The following KCNB2 variants were observed in gnomAD, a reference collection of about 807,000 sequenced individuals.
KCNB2 encodes delayed rectifier potassium channel protein.
A neutral mutation model predicts 61.5 loss-of-function variants in KCNB2; 15 were observed. The observed-to-expected ratio is 0.24, with a 90% CI of 0.16 to 0.38. The LOEUF (loss-of-function observed/expected upper bound fraction) is 0.38, where lower values mean the gene tolerates loss of function less well. Ranked by LOEUF, KCNB2 falls within the 10% of genes least tolerant of loss-of-function variation. The pLI is 1.00. For synonymous variants in KCNB2, 457 were observed against 446.0 expected (o/e 1.02, Z -0.31); for missense variants, 828 against 1,125.2 (o/e 0.74, Z 3.78).
intron 2 of KCNB2, among the ~76,000 whole-genome samples, chr8:72,627,622 G>A (rs1489025918): frequency 3.3e-5 from 5 of 152,190 alleles, no homozygotes; most frequent in African/African-American, 1.2e-4. Flanking sequence ...GATGAACAGA[G>A]CTGTGTAGGA....
intron 2 of KCNB2, among the ~76,000 whole-genome samples, chr8:72,870,260 A>G (rs1805594706): frequency 6.6e-6 from 1 of 152,144 alleles, no homozygotes; most frequent in South Asian, 2.1e-4. Flanking sequence ...AGTTCTAGAG[A>G]TCTGTGTACA....
At chr8:72,832,549 G>A (rs1327560290) in intron 2 of KCNB2, among the ~76,000 whole-genome samples, 2 of 152,090 alleles carry the variant, frequency 1.3e-5, no homozygotes, top group East Asian at 3.9e-4. Flanking sequence ...CAGAGCTGAG[G>A]GAAGATTATT....
chr8:72,827,563 C>A lies in KCNB2; in HGVS notation c.580-108372C>A, dbSNP rs868688725. ...TTCACTCATTTACATAGTCATTTAA[C>A]AAACCTTTATGAATGTCCACTCTCT... On this transcript the variant is annotated intron_variant, in intron 2 of 2. Coordinates refer to ENST00000523207, the MANE Select transcript of KCNB2 (RefSeq NM_004770.3). Among the ~76,000 whole-genome samples the A allele has an allele frequency of 1.2e-4, 19 of 152,266 alleles. No homozygotes were observed. The South Asian group carries it at 1.5e-3, about 12-fold the overall frequency.
chr8:72,603,962 T>C (rs1266028589), intron 2 of KCNB2, among the ~76,000 whole-genome samples: 1 of 152,042 alleles, frequency 6.6e-6, no homozygotes, highest in Non-Finnish European at 1.5e-5. Flanking sequence ...GTGTTGATTT[T>C]CCCCCCGAGC....
At chr8:72,927,672 C>G (rs991146132) in intron 2 of KCNB2, among the ~76,000 whole-genome samples, 10 of 152,204 alleles carry the variant, frequency 6.6e-5, no homozygotes, top group African/African-American at 2.4e-4. Context: ...GTGCACTGCA[C>G]AAAACATAGA....
At chr8:72,873,555 G>A (rs1355373566) in intron 2 of KCNB2, among the ~76,000 whole-genome samples, 1 of 152,212 alleles carries the variant, frequency 6.6e-6, no homozygotes, top group Non-Finnish European at 1.5e-5. Flanking sequence ...GCTTCTCAAT[G>A]AATGTCATTT....
At chr8:72,921,074 A>C (rs1017117143) in intron 2 of KCNB2, among the ~76,000 whole-genome samples, 3 of 152,086 alleles carry the variant, frequency 2.0e-5, no homozygotes, top group Admixed American at 1.3e-4. Context: ...AATTATCCAA[A>C]GTTCAGCTTG....
At chr8:72,710,043 G>A (rs1314216120) in intron 2 of KCNB2, among the ~76,000 whole-genome samples, 3 of 152,222 alleles carry the variant, frequency 2.0e-5, no homozygotes, top group Non-Finnish European at 2.9e-5. Context: ...CCTTCAGTCT[G>A]CACTTCCCAG....
intron 2 of KCNB2, among the ~76,000 whole-genome samples, chr8:72,752,198 G>GA (rs1308230243): frequency 6.6e-6 from 1 of 152,138 alleles, no homozygotes; most frequent in African/African-American, 2.4e-5. Context: ...AGACAAGTGT[G>GA]AAAATGGCTG....
chr8:72,728,397 G>A (rs1221341157), intron 2 of KCNB2, among the ~76,000 whole-genome samples: 3 of 151,966 alleles, frequency 2.0e-5, no homozygotes, highest in Non-Finnish European at 2.9e-5. Context: ...CTGCTTTCTG[G>A]TCTTGTTTCT....
chr8:72,731,832 T>C (rs1255939985), intron 2 of KCNB2, among the ~76,000 whole-genome samples: 3 of 152,234 alleles, frequency 2.0e-5, no homozygotes, highest in Non-Finnish European at 4.4e-5. Context: ...TCTGATTCTT[T>C]GATGTCATGC....
intron 2 of KCNB2, among the ~76,000 whole-genome samples, chr8:72,883,663 A>G (rs1395179574): frequency 6.6e-6 from 1 of 152,082 alleles, no homozygotes; most frequent in Non-Finnish European, 1.5e-5. Flanking sequence ...TCCCTCCCCA[A>G]TCCCATTCTC....
At chr8:72,588,744 T>TAA (rs35312898) in intron 2 of KCNB2, among the ~76,000 whole-genome samples, 28 of 150,056 alleles carry the variant, frequency 1.9e-4, no homozygotes, top group Admixed American at 4.6e-4. Flanking sequence ...AAAAAATAAA[T>TAA]AAAAAAAAAA....
At chr8:72,598,756 T>C (rs1252141963) in intron 2 of KCNB2, among the ~76,000 whole-genome samples, 4 of 152,142 alleles carry the variant, frequency 2.6e-5, no homozygotes, top group African/African-American at 7.2e-5. Context: ...AGCAAAGTCT[T>C]AAGATACAAA....
In KCNB2 at chr8:72,568,202, A is replaced by G. The variant is rs1430241552; in HGVS notation, c.468A>G (p.Ala156=). The G allele has an allele frequency of 6.2e-7, 1 of 1,614,218 alleles. No individual in the cohort carries two copies. The highest frequency in any genetic ancestry group is 8.5e-7 in the Non-Finnish European group (1 of 1,180,040). The change falls in exon 2 of 3, where the codon GCA becomes GCG. Residue 156 remains alanine, a synonymous_variant. Transcript: ENST00000523207. ...EQMNEELRRE[A]ETMREREGEE... ...TGAACGAAGAACTGAGGCGAGAGGC[A>G]GAGACTATGCGAGAGCGAGAAGGAG... is the stretch of plus-strand genomic sequence containing the variant.
At chr8:72,818,923 T>C (rs1309874797) in intron 2 of KCNB2, among the ~76,000 whole-genome samples, 1 of 152,182 alleles carries the variant, frequency 6.6e-6, no homozygotes, top group Non-Finnish European at 1.5e-5. Context: ...ACTGCAGGGT[T>C]GCATCTTGGT....
chr8:72,688,310 G>T (rs1806887289), intron 2 of KCNB2, among the ~76,000 whole-genome samples: 1 of 152,116 alleles, frequency 6.6e-6, no homozygotes, highest in East Asian at 1.9e-4. Context: ...GAGTTTGCAT[G>T]CATTGCTGTA....
intron 2 of KCNB2, among the ~76,000 whole-genome samples, chr8:72,695,854 C>G (rs1807009720): frequency 6.6e-6 from 1 of 152,188 alleles, no homozygotes; most frequent in Non-Finnish European, 1.5e-5. Flanking sequence ...ATTTCCTCAT[C>G]CTGATTACTT....
In KCNB2 at chr8:72,568,218, C is replaced by A. The variant is rs1274533546; in HGVS notation, c.484C>A (p.Arg162=). Residue 162 remains arginine, a synonymous_variant, in exon 2 of 3, where the codon CGA becomes AGA. Coordinates refer to ENST00000523207, the MANE Select transcript of KCNB2 (RefSeq NM_004770.3). ...GCGAGAGGCAGAGACTATGCGAGAGCGAGAAGGAGAAGAGTTTGATAATAC... is the reference window on the plus strand; with the variant it reads ...GCGAGAGGCAGAGACTATGCGAGAGAGAGAAGGAGAAGAGTTTGATAATAC... The part of the protein sequence containing the change: ...LRREAETMRE[R]EGEEFDNTCC... 1 of 1,613,938 alleles carries A rather than the reference C, an allele frequency of 6.2e-7. No individual in the cohort carries two copies. Among genetic ancestry groups the A allele is most frequent in the Admixed American group, 1.7e-5 (1 of 59,996 alleles).
Sources: gnomAD v4.1 joint callset for allele counts (sites outside exome capture counted in the v4.1 genomes callset) on GRCh38, gnomAD v4.1.1 for gene constraint, MANE v1.5 for transcripts, NCBI Gene and HGNC (gene_info 2026-07-23, HGNC 2026-07-21) for gene names.